The following DTNBP1 variants were observed in gnomAD, a reference collection of about 807,000 sequenced individuals.
DTNBP1 encodes the protein dystrobrevin binding protein 1, also known as dysbindin.
Under a neutral mutation model 42.8 loss-of-function variants are expected in DTNBP1, and 35 were observed. The observed-to-expected ratio is 0.82, with a 90% CI of 0.63 to 1.09. The LOEUF (loss-of-function observed/expected upper bound fraction) is 1.09. Ranked by LOEUF, DTNBP1 falls within the 50% of genes least tolerant of loss-of-function variation. DTNBP1 has a pLI of 0.00. For synonymous variants in DTNBP1, 171 were observed against 162.2 expected (o/e 1.05, Z -0.41); for missense variants, 457 against 424.2 (o/e 1.08, Z -0.68).
intron 4 of DTNBP1, among the ~76,000 whole-genome samples, chr6:15,634,173 CTAGAT>C (rs1386015849): frequency 6.6e-6 from 1 of 152,030 alleles, no homozygotes; most frequent in Non-Finnish European, 1.5e-5. Flanking sequence ...TTAGATTAAT[CTAGAT>C]TAATCATTTA....
chr6:15,617,806 T>C (rs1264577470), intron 5 of DTNBP1, among the ~76,000 whole-genome samples: 4 of 152,102 alleles, frequency 2.6e-5, no homozygotes, highest in African/African-American at 7.2e-5. Flanking sequence ...TTTCAGAACA[T>C]TGGTTTGGAC....
At chr6:15,641,844 G>A (rs1480057920) in intron 3 of DTNBP1, among the ~76,000 whole-genome samples, 1 of 152,164 alleles carries the variant, frequency 6.6e-6, no homozygotes, top group Non-Finnish European at 1.5e-5. Context: ...TCCCTAAGTG[G>A]AAGAGAGTGC....
chr6:15,600,266 A>C lies in DTNBP1; in HGVS notation c.489-7185T>G, dbSNP rs139384548. Among the ~76,000 whole-genome samples, 77 of 152,334 alleles carry C rather than the reference A, an allele frequency of 5.1e-4. 1 individual carries two copies. The highest frequency in any genetic ancestry group is 1.2e-3 in the Admixed American group (18 of 15,308). On this transcript the variant is annotated intron_variant, in intron 6 of 9. Transcript: ENST00000344537. ...AAAGATATGAGGAGACTTTGAAGTC[A>C]GGAAAACATTGGTTCTGGCCCAGCA... is the stretch of plus-strand genomic sequence containing the variant.
intron 7 of DTNBP1, among the ~76,000 whole-genome samples, chr6:15,568,664 T>C (rs1561964545): frequency 6.6e-6 from 1 of 152,202 alleles, no homozygotes; most frequent in East Asian, 1.9e-4. Context: ...TCTTACTCTA[T>C]GTGAAAACAA....
chr6:15,609,483 C>A (rs1466247517), intron 6 of DTNBP1, among the ~76,000 whole-genome samples: 1 of 152,020 alleles, frequency 6.6e-6, no homozygotes, highest in East Asian at 1.9e-4. Context: ...CCATGCCCAG[C>A]TATTTTTTTG....
chr6:15,582,023 T>C (rs1156912961), intron 7 of DTNBP1, among the ~76,000 whole-genome samples: 1 of 152,162 alleles, frequency 6.6e-6, no homozygotes, highest in Non-Finnish European at 1.5e-5. Context: ...GTTTTATTCT[T>C]AGAATAGCCC....
Position 15,616,136 on chromosome 6 carries a change from C to T in DTNBP1, c.356-737G>A, listed in dbSNP as rs546371774. 1.7e-4 allele frequency among the ~76,000 whole-genome samples: 26 copies of T among 152,352 alleles called. 1 individual carries two copies. Among genetic ancestry groups the T allele is most frequent in the East Asian group, 1.2e-3 (6 of 5,194 alleles). ...CCAGGCAAGCTAGTGAAGGGCCACA[C>T]GGCCAGTGAAGGGCAGTCAGGAATC... is the stretch of plus-strand genomic sequence containing the variant. On this transcript the variant is annotated intron_variant, in intron 5 of 9. Transcript: ENST00000344537.
chr6:15,585,193 T>C (rs200857795), intron 7 of DTNBP1, among the ~76,000 whole-genome samples: 2 of 149,508 alleles, frequency 1.3e-5, no homozygotes, highest in African/African-American at 2.5e-5. Flanking sequence ...TATAGTACCA[T>C]AGAATGAATT....
At chr6:15,537,246 G>A (rs533721826) in intron 7 of DTNBP1, among the ~76,000 whole-genome samples, 1 of 151,308 alleles carries the variant, frequency 6.6e-6, no homozygotes, top group Non-Finnish European at 1.5e-5. Context: ...TGGTGGTCAT[G>A]TATTTTTTGT....
At chr6:15,524,218 C>T (rs968356717) in intron 9 of DTNBP1, 1 of 1,530,644 alleles carries the variant, frequency 6.5e-7, no homozygotes, top group East Asian at 2.5e-5. Context: ...CAGTCCTTAA[C>T]CACAAGGAGC....
chr6:15,659,663 C>T (rs1761486777), intron 1 of DTNBP1, among the ~76,000 whole-genome samples: 1 of 150,316 alleles, frequency 6.7e-6, no homozygotes, highest in African/African-American at 2.5e-5. Flanking sequence ...AGAGATTCTT[C>T]TGCCTCAGCC....
intron 7 of DTNBP1, among the ~76,000 whole-genome samples, chr6:15,592,295 T>C (rs1776331035): frequency 6.6e-6 from 1 of 152,214 alleles, no homozygotes; most frequent in Admixed American, 6.5e-5. Context: ...ATTTAATAAG[T>C]AATTCAAAAA....
intron 7 of DTNBP1, among the ~76,000 whole-genome samples, chr6:15,554,705 G>A (rs1351015250): frequency 6.6e-6 from 1 of 152,120 alleles, no homozygotes; most frequent in Admixed American, 6.5e-5. Flanking sequence ...AAGGAGAAAG[G>A]TGCACACATG....
intron 1 of DTNBP1, among the ~76,000 whole-genome samples, chr6:15,654,509 G>A (rs1226271678): frequency 6.6e-6 from 1 of 152,070 alleles, no homozygotes; most frequent in Non-Finnish European, 1.5e-5. Context: ...ATATGATCCA[G>A]CAAATCTCTA....
chr6:15,615,081 T>C (rs1758639495), intron 6 of DTNBP1, 186 bp downstream of exon 6: 1 of 861,248 alleles, frequency 1.2e-6, no homozygotes, highest in African/African-American at 1.7e-5. Context: ...CTGAGTTTTT[T>C]ATAACTCATC....
At chr6:15,598,931 G>A (rs73371559) in intron 6 of DTNBP1, among the ~76,000 whole-genome samples, 3,622 of 151,860 alleles carry the variant, frequency 0.024, 151 homozygotes, top group African/African-American at 0.082. Context: ...TATCTATTTT[G>A]GGCAAATACA....
chr6:15,615,476 G>A (rs376038064), intron 5 of DTNBP1, 77 bp from the exon 6 acceptor site: 1 of 1,571,854 alleles, frequency 6.4e-7, no homozygotes, highest in African/African-American at 1.3e-5. Context: ...TATCAAAAAG[G>A]TAAAAGTTCA....
At chr6:15,558,619 A>G (rs1561958356) in intron 7 of DTNBP1, among the ~76,000 whole-genome samples, 1 of 152,226 alleles carries the variant, frequency 6.6e-6, no homozygotes, top group Non-Finnish European at 1.5e-5. Context: ...AAGTATGCCA[A>G]TAAAATAGGA....
intron 7 of DTNBP1, among the ~76,000 whole-genome samples, chr6:15,541,120 T>C (rs1403436185): frequency 2.0e-5 from 3 of 152,286 alleles, no homozygotes; most frequent in South Asian, 4.2e-4. Context: ...CCGAGTATAG[T>C]TGCACCACAC....
Sources: gnomAD v4.1 joint callset for allele counts (sites outside exome capture counted in the v4.1 genomes callset) on GRCh38, gnomAD v4.1.1 for gene constraint, MANE v1.5 for transcripts, NCBI Gene and HGNC (gene_info 2026-07-23, HGNC 2026-07-21) for gene names.